Variants in RAB4B observed in about 807,000 individuals in gnomAD.
RAB4B encodes the protein ras-related protein Rab-4B.
RAB4B carries 15 observed loss-of-function variants against 28.3 expected under a neutral mutation model. The ratio of observed to expected loss-of-function variants is 0.53; its 90% CI spans 0.35 to 0.82. The LOEUF is 0.82. Ranked by LOEUF, RAB4B falls within the 40% of genes least tolerant of loss-of-function variation. The pLI, the probability that RAB4B is intolerant of heterozygous loss-of-function variation, is 0.01. For missense variants in RAB4B, 244 were observed against 288.5 expected, an observed-to-expected ratio of 0.85 and a Z score of 1.12; for synonymous variants, 108 against 116.3, an observed-to-expected ratio of 0.93 and a Z score of 0.46.
intron 7 of RAB4B, among the ~76,000 whole-genome samples, chr19:40,790,277 C>T (rs868370072): frequency 3.3e-5 from 5 of 151,038 alleles, no homozygotes; most frequent in East Asian, 3.9e-4. Flanking sequence ...GACAAGGGGG[C>T]GGGAAGAGGA....
intron 7 of RAB4B, among the ~76,000 whole-genome samples, chr19:40,792,733 G>A (rs1330258040): frequency 1.3e-5 from 2 of 152,110 alleles, no homozygotes; most frequent in Non-Finnish European, 2.9e-5. Flanking sequence ...ACATTCACAG[G>A]GTTGTGCAAT....
intron 1 of RAB4B, chr19:40,779,818 A>T: frequency 7.7e-7 from 1 of 1,307,108 alleles, no homozygotes; most frequent in Non-Finnish European, 1.0e-6. Context: ...TTGAAAAAAA[A>T]TATATAGAAT....
intron 1 of RAB4B, 165 bp from the exon 2 acceptor site, chr19:40,779,854 A>C: frequency 4.1e-6 from 6 of 1,480,864 alleles, no homozygotes; most frequent in Non-Finnish European, 5.4e-6. Context: ...CAAGTACTAC[A>C]TAAGAGTTAT....
chr19:40,787,499 C>T (rs2083111908), intron 7 of RAB4B, among the ~76,000 whole-genome samples: 1 of 151,088 alleles, frequency 6.6e-6, no homozygotes, highest in Non-Finnish European at 1.5e-5. Context: ...CACACCATTG[C>T]ACTCCAGCCT....
chr19:40,793,911 T>C (rs991749002), intron 7 of RAB4B, among the ~76,000 whole-genome samples: 2 of 151,630 alleles, frequency 1.3e-5, no homozygotes, highest in Non-Finnish European at 2.9e-5. Context: ...GCGACAGAGC[T>C]AGACTCCGTC....
At chr19:40,792,250 G>A (rs911950721) in intron 7 of RAB4B, 2 of 152,356 alleles carry the variant, frequency 1.3e-5, no homozygotes, top group East Asian at 3.9e-4. Flanking sequence ...GCCTAAGTTT[G>A]CTCATCTGTA....
At chr19:40,791,395 C>T (rs1438494872) in intron 7 of RAB4B, among the ~76,000 whole-genome samples, 3 of 152,078 alleles carry the variant, frequency 2.0e-5, no homozygotes, top group Admixed American at 2.0e-4. Flanking sequence ...CCCCAGGACA[C>T]AAATGAACTC....
intron 5 of RAB4B, 99 bp from the exon 6 acceptor site, chr19:40,786,566 A>ATGGAACAT (rs2083101071): frequency 6.5e-7 from 1 of 1,540,914 alleles, no homozygotes; most frequent in African/African-American, 1.4e-5. Context: ...GTAAGGGGGG[A>ATGGAACAT]TGGAACATTG....
In RAB4B at chr19:40,789,501, CT is replaced by C. The variant is rs60806942; in HGVS notation, c.*15+2544del. The stretch of plus-strand genomic sequence containing the variant: ...ACAGGCGGGAGCCACCACGCCCAGC[CT>C]TTTTTTTTTTTTTTTTTTTTGAGAC... On this transcript the variant is annotated intron_variant, in intron 7 of 7. Coordinates refer to ENST00000357052, the MANE Select transcript of RAB4B (RefSeq NM_016154.5). 2.1e-3 allele frequency among the ~76,000 whole-genome samples: 248 copies of C among 116,570 alleles called. 1 individual carries two copies. The highest frequency in any genetic ancestry group is 7.5e-3 in the African/African-American group (198 of 26,322). 76.5% of individuals were successfully genotyped at this position (116,570 alleles called of 152,430 possible). A position where few individuals can be genotyped will look rare whatever the true frequency, so the allele number is the denominator to read the frequency against.
chr19:40,780,912 T>C (rs976868212), intron 3 of RAB4B, among the ~76,000 whole-genome samples: 1 of 151,150 alleles, frequency 6.6e-6, no homozygotes, highest in Non-Finnish European at 1.5e-5. Context: ...AGGGGAAACT[T>C]GAGAGACTCA....
rs139618813 is a variant in RAB4B at position 40,793,788 on chromosome 19, G to A, written c.*16-2782G>A. ...AAAATACAAAAGTTAGCCAGGCGTG[G>A]TGGTGTGCTCCTGTAATCCCAGCTA... is the stretch of plus-strand genomic sequence containing the variant. On this transcript the variant is annotated intron_variant, in intron 7 of 7. Coordinates refer to ENST00000357052, the MANE Select transcript of RAB4B (RefSeq NM_016154.5). Among the ~76,000 whole-genome samples the A allele has an allele frequency of 4.2e-3, 640 of 151,574 alleles. 4 individuals are homozygous for A. The highest frequency in any genetic ancestry group is 0.017 in the Middle Eastern group (5 of 294).
intron 7 of RAB4B, among the ~76,000 whole-genome samples, chr19:40,792,918 T>A (rs1323446251): frequency 6.6e-6 from 1 of 152,008 alleles, no homozygotes; most frequent in Non-Finnish European, 1.5e-5. Context: ...GTAGCTGGAA[T>A]TACAGGCATG....
At chr19:40,781,283 T>G (rs953997599) in intron 3 of RAB4B, among the ~76,000 whole-genome samples, 2 of 149,332 alleles carry the variant, frequency 1.3e-5, no homozygotes, top group Admixed American at 6.7e-5. Context: ...CGAGACTCTG[T>G]CTCTGAATAA....
rs376946189 is a variant in RAB4B at position 40,784,050 on chromosome 19, G to A, written c.405G>A (p.Glu135=). 2.5e-6 allele frequency: 4 copies of A among 1,613,474 alleles called. No homozygotes were observed. Among genetic ancestry groups the A allele is most frequent in the African/African-American group, 1.3e-5 (1 of 74,942 alleles). The part of the protein sequence containing the change: ...LDPEREVTFL[E]ASRFAQENEL... ...CTGAGCGGGAGGTCACTTTCCTGGA[G>A]GCCTCCCGCTTTGCCCAGGAGAATG... is the stretch of plus-strand genomic sequence containing the variant. The change falls in exon 5 of 8, where the codon GAG becomes GAA. Residue 135 remains glutamate, a synonymous_variant. Transcript: ENST00000357052.
chr19:40,778,332 G>T lies in RAB4B; in HGVS notation c.-44G>T. On this transcript the variant is annotated 5_prime_UTR_variant, in exon 1 of 8. Coordinates refer to ENST00000357052, the MANE Select transcript of RAB4B (RefSeq NM_016154.5). ...CGGCTGCCAGCCGAGGAGCAGGCGC[G>T]GCCGCGGCGCCATATTGCGGCCCTC... The T allele has an allele frequency of 6.7e-7, 1 of 1,489,266 alleles. No individual in the cohort carries two copies. The highest frequency in any genetic ancestry group is 8.9e-7 in the Non-Finnish European group (1 of 1,125,508). The allele number at this position is 1,489,266 out of a possible 1,614,324, so 92.3% of individuals were successfully genotyped here.
chr19:40,787,592 G>A (rs546123364), intron 7 of RAB4B, among the ~76,000 whole-genome samples: 1 of 145,104 alleles, frequency 6.9e-6, no homozygotes, highest in African/African-American at 2.5e-5. Flanking sequence ...GGGGAGAGGG[G>A]TCAGAGCCAG....
At position 40,784,030 on chromosome 19, in the gene RAB4B, C is replaced by T. The variant is rs148835785; in HGVS notation, c.385C>T (p.Arg129Trp). ...CGNKKDLDPE[R>W]EVTFLEASRF... is the part of the protein sequence containing the mutation. ...CAACAAGAAGGACCTGGACCCTGAG[C>T]GGGAGGTCACTTTCCTGGAGGCCTC... Residue 129 changes from arginine (R) to tryptophan (W), a missense_variant, in exon 5 of 8, where the codon CGG becomes TGG. By Grantham distance (101) the Arg-to-Trp change is moderately radical. Coordinates refer to ENST00000357052, the MANE Select transcript of RAB4B (RefSeq NM_016154.5). 9.3e-6 allele frequency: 15 copies of T among 1,613,752 alleles called. No homozygotes were observed. Among genetic ancestry groups the T allele is most frequent in the South Asian group, 6.6e-5 (6 of 91,074 alleles).
At position 40,783,824 on chromosome 19, in the gene RAB4B, G is replaced by T; in HGVS notation, c.259G>T (p.Val87Leu). The T allele has an allele frequency of 6.4e-7, 1 of 1,562,910 alleles. No individual in the cohort carries two copies. Among genetic ancestry groups the T allele is most frequent in the Non-Finnish European group, 8.7e-7 (1 of 1,149,202 alleles). Residue 87 changes from valine (V) to leucine (L), a missense_variant, in exon 4 of 8, where the codon GTG becomes TTG. Transcript: ENST00000357052. The stretch of plus-strand genomic sequence containing the variant: ...CCGAGGGGCGGCTGGAGCCCTGCTG[G>T]TGTACGACATCACCAGGTGGGTGCC... ...YYRGAAGALL[V>L]YDITSRETYN...
intron 2 of RAB4B, 102 bp from the exon 3 acceptor site, chr19:40,780,283 G>A: frequency 7.0e-7 from 1 of 1,437,728 alleles, no homozygotes. Flanking sequence ...CTCCAGCAAG[G>A]AGAATGGGTT....
Sources: allele counts gnomAD v4.1 joint callset (sites outside exome capture counted in the v4.1 genomes callset), GRCh38; gene constraint gnomAD v4.1.1; transcripts MANE v1.5; gene names NCBI Gene and HGNC (gene_info 2026-07-23, HGNC 2026-07-21).